Variants in TBC1D5 observed in about 807,000 individuals in gnomAD.
The protein encoded by TBC1D5 is TBC1 domain family, member 5.
Under a neutral mutation model 100.3 loss-of-function variants are expected in TBC1D5, and 75 were observed. The observed-to-expected ratio is 0.75, with a 90% CI of 0.62 to 0.91. The LOEUF (loss-of-function observed/expected upper bound fraction) is 0.91, where lower values mean the gene tolerates loss of function less well. Among genes scored for constraint, TBC1D5 ranks in the 40% least tolerant of loss-of-function variants. TBC1D5 has a pLI of 0.00. For synonymous variants in TBC1D5, 323 were observed against 325.6 expected (o/e 0.99, Z 0.09); for missense variants, 910 against 942.4 (o/e 0.97, Z 0.45).
chr3:17,670,909 C>T (rs1397104680), intron 1 of TBC1D5, among the ~76,000 whole-genome samples: 2 of 152,186 alleles, frequency 1.3e-5, no homozygotes, highest in African/African-American at 4.8e-5. Flanking sequence ...AGCTGCACCA[C>T]TAGCATCAAG....
chr3:17,426,032 T>TG (rs879545882), intron 4 of TBC1D5, among the ~76,000 whole-genome samples: 8 of 107,110 alleles, frequency 7.5e-5, no homozygotes, highest in Non-Finnish European at 1.3e-4. Flanking sequence ...AGTATGTTGG[T>TG]GTAGGTTTCA....
At chr3:17,341,325 T>A (rs2088875314) in intron 13 of TBC1D5, among the ~76,000 whole-genome samples, 1 of 152,050 alleles carries the variant, frequency 6.6e-6, no homozygotes, top group African/African-American at 2.4e-5. Flanking sequence ...GCCTCCCGAG[T>A]AGCTGGGACT....
intron 15 of TBC1D5, among the ~76,000 whole-genome samples, chr3:17,277,493 A>G (rs1381848720): frequency 1.3e-5 from 2 of 152,116 alleles, no homozygotes; most frequent in African/African-American, 2.4e-5. Context: ...CTCTTTGGAA[A>G]CCCGTAGGCA....
intron 19 of TBC1D5, among the ~76,000 whole-genome samples, chr3:17,178,661 T>A (rs2068089347): frequency 6.6e-6 from 1 of 152,158 alleles, no homozygotes; most frequent in Admixed American, 6.5e-5. Flanking sequence ...TTATTTATTT[T>A]ATTTTTTTAG....
In TBC1D5 at chr3:17,673,311, C is replaced by CTTTTTTTTTTTTTTTT. The variant is rs374496313; in HGVS notation, c.-100-49414_-100-49399dup. On this transcript the variant is annotated intron_variant, in intron 1 of 21. Transcript: ENST00000253692. ...TATTTTCTGTACTTTCTTTTCTTTT[C>CTTTTTTTTTTTTTTTT]TTTTTTTTTTTTTTTTTGAGACAGG... is the stretch of plus-strand genomic sequence containing the variant. Among the ~76,000 whole-genome samples the CTTTTTTTTTTTTTTTT allele has an allele frequency of 5.6e-5, 7 of 125,968 alleles. 2 individuals are homozygous for CTTTTTTTTTTTTTTTT. Among genetic ancestry groups the CTTTTTTTTTTTTTTTT allele is most frequent in the South Asian group, 2.6e-4 (1 of 3,916 alleles). The allele number at this position is 125,968 out of a possible 152,430, so 82.6% of individuals were successfully genotyped here.
At chr3:17,434,501 T>C (rs991196254) in intron 3 of TBC1D5, among the ~76,000 whole-genome samples, 3 of 152,112 alleles carry the variant, frequency 2.0e-5, no homozygotes, top group Non-Finnish European at 2.9e-5. Flanking sequence ...GCAGCTGGGA[T>C]CCAGGGCACG....
chr3:17,518,061 A>G (rs932148356), intron 2 of TBC1D5, among the ~76,000 whole-genome samples: 2 of 152,224 alleles, frequency 1.3e-5, no homozygotes, highest in Non-Finnish European at 2.9e-5. Context: ...TACTTGTTAC[A>G]TATTTTTAAG....
chr3:17,396,821 T>C (rs1205496348), intron 8 of TBC1D5, among the ~76,000 whole-genome samples: 3 of 152,074 alleles, frequency 2.0e-5, no homozygotes, highest in Non-Finnish European at 2.9e-5. Context: ...TCAACATGAA[T>C]AAAAAGCAAA....
chr3:17,343,804 G>A (rs1437037754), intron 13 of TBC1D5, among the ~76,000 whole-genome samples: 1 of 151,992 alleles, frequency 6.6e-6, no homozygotes, highest in Admixed American at 6.6e-5. Flanking sequence ...CTGTGGGATC[G>A]GTGGTGATAT....
intron 13 of TBC1D5, among the ~76,000 whole-genome samples, chr3:17,345,206 C>G (rs1341396523): frequency 6.6e-6 from 1 of 152,044 alleles, no homozygotes; most frequent in Non-Finnish European, 1.5e-5. Context: ...CTACAATGAA[C>G]TCAAACAAAT....
chr3:17,657,502 A>G (rs973902089), intron 1 of TBC1D5, among the ~76,000 whole-genome samples: 1 of 151,726 alleles, frequency 6.6e-6, no homozygotes, highest in African/African-American at 2.4e-5. Flanking sequence ...ATGCCCGGCT[A>G]ATTTTTTGTA....
rs565995639 is a variant in TBC1D5 at position 17,545,089 on chromosome 3, AT to A, written c.-35-36485del. 7.0e-3 allele frequency among the ~76,000 whole-genome samples: 1,062 copies of A among 151,886 alleles called. 12 individuals are homozygous for A. Among genetic ancestry groups the A allele is most frequent in the African/African-American group, 0.023 (971 of 41,430 alleles). On this transcript the variant is annotated intron_variant, in intron 2 of 21. Transcript: ENST00000253692. ...AATAAATAAATAAATAAAAGCTGTG[AT>A]TTTTTTTTATTTTTTAAAAAAAGCA...
At chr3:17,620,218 C>T (rs1183297634) in intron 2 of TBC1D5, among the ~76,000 whole-genome samples, 1 of 152,194 alleles carries the variant, frequency 6.6e-6, no homozygotes, top group African/African-American at 2.4e-5. Context: ...GCCTTGAACT[C>T]CTGGGCTCAG....
intron 14 of TBC1D5, 89 bp downstream of exon 14, chr3:17,307,903 T>C: frequency 6.6e-7 from 1 of 1,520,680 alleles, no homozygotes; most frequent in Non-Finnish European, 8.8e-7. Context: ...GCAAATCAAA[T>C]AATAAAACAC....
At chr3:17,292,478 A>T (rs920630862) in intron 14 of TBC1D5, among the ~76,000 whole-genome samples, 9 of 152,250 alleles carry the variant, frequency 5.9e-5, no homozygotes, top group South Asian at 2.1e-4. Flanking sequence ...CTCAAAATTT[A>T]AAAAAGTAGA....
intron 14 of TBC1D5, among the ~76,000 whole-genome samples, chr3:17,303,119 C>T (rs1429048782): frequency 6.6e-6 from 1 of 152,134 alleles, no homozygotes; most frequent in East Asian, 1.9e-4. Context: ...TCTGCTGCTC[C>T]CCTCTATCTC....
At chr3:17,189,231 A>C (rs1256010432) in intron 18 of TBC1D5, among the ~76,000 whole-genome samples, 1 of 152,236 alleles carries the variant, frequency 6.6e-6, no homozygotes. Flanking sequence ...AGACAGTGAA[A>C]TGGATTTAAA....
upstream of TBC1D5, among the ~76,000 whole-genome samples, chr3:17,741,432 C>A (rs2077423065): frequency 6.6e-6 from 1 of 152,204 alleles, no homozygotes; most frequent in Admixed American, 6.5e-5. Context: ...CATTTTTCAA[C>A]AATACCTATT....
At chr3:17,725,658 AT>A (rs1165454930) in intron 1 of TBC1D5, among the ~76,000 whole-genome samples, 1 of 152,330 alleles carries the variant, frequency 6.6e-6, no homozygotes, top group East Asian at 1.9e-4. Flanking sequence ...GCAGTCTTTA[AT>A]ACTCTGCTTC....
Sources: allele counts gnomAD v4.1 joint callset (sites outside exome capture counted in the v4.1 genomes callset), GRCh38; gene constraint gnomAD v4.1.1; transcripts MANE v1.5; gene names NCBI Gene and HGNC (gene_info 2026-07-23, HGNC 2026-07-21).